Variants in FBXW7 observed in about 807,000 individuals in gnomAD.
The protein encoded by FBXW7 is F-box and WD repeat domain containing 7, also known as F-box/WD repeat-containing protein 7.
Under a neutral mutation model 86.3 loss-of-function variants are expected in FBXW7, and 11 were observed. That is an observed-to-expected ratio of 0.13 (90% CI 0.08 to 0.21). The LOEUF is 0.21. FBXW7 is among the 10% of genes least tolerant of loss of function. The probability of loss-of-function intolerance (pLI) is 1.00; values close to 1 mark genes in which losing one functional copy is unlikely to be tolerated. For synonymous variants in FBXW7, 313 were observed against 297.9 expected (o/e 1.05, Z -0.52); for missense variants, 488 against 847.4 (o/e 0.58, Z 5.27).
chr4:152,488,235 T>A (rs1443399476), intron 2 of FBXW7, among the ~76,000 whole-genome samples: 2 of 152,030 alleles, frequency 1.3e-5, no homozygotes, highest in Admixed American at 6.6e-5. Flanking sequence ...ATAAGACTGG[T>A]GCATAAAAAA....
In FBXW7 at chr4:152,364,639, G is replaced by A. The variant is rs527845631; in HGVS notation, c.502-14515C>T. On this transcript the variant is annotated intron_variant, in intron 4 of 13. Transcript: ENST00000281708. ...ACAGGATTTTCCATCTGAATACATA[G>A]AGCACATGCTTTTCAATATGTGGCT... 1.9e-4 allele frequency among the ~76,000 whole-genome samples: 29 copies of A among 152,168 alleles called. 1 individual carries two copies. Among genetic ancestry groups the A allele is most frequent in the Admixed American group, 1.6e-3 (24 of 15,270 alleles).
In FBXW7 at chr4:152,366,539, T is replaced by C. The variant is rs576587073; in HGVS notation, c.502-16415A>G. 5.9e-5 allele frequency among the ~76,000 whole-genome samples: 9 copies of C among 152,250 alleles called. No homozygotes were observed. The South Asian group carries it at 1.7e-3, about 28-fold the overall frequency. On this transcript the variant is annotated intron_variant, in intron 4 of 13. Coordinates refer to ENST00000281708, the MANE Select transcript of FBXW7 (RefSeq NM_001349798.2). The stretch of plus-strand genomic sequence containing the variant: ...GAGTTGCCAAAAGTGTTGTAACTTA[T>C]ACTAGCTTTAAAAACTAAATGTAAA...
chr4:152,353,682 T>C (rs576360260), intron 4 of FBXW7, among the ~76,000 whole-genome samples: 17 of 152,290 alleles, frequency 1.1e-4, no homozygotes, highest in African/African-American at 2.2e-4. Flanking sequence ...ACAATCTATA[T>C]TGCTTATCAT....
chr4:152,366,169 T>C (rs965223490), intron 4 of FBXW7, among the ~76,000 whole-genome samples: 4 of 152,204 alleles, frequency 2.6e-5, no homozygotes, highest in Non-Finnish European at 4.4e-5. Context: ...ATACTGTCTA[T>C]TGTTTATAAT....
intron 4 of FBXW7, among the ~76,000 whole-genome samples, chr4:152,406,486 A>G (rs953707066): frequency 4.6e-5 from 7 of 152,152 alleles, no homozygotes; most frequent in African/African-American, 1.4e-4. Context: ...CAACATTTAG[A>G]GCTATTATTG....
chr4:152,486,412 C>A (rs1213267211), intron 2 of FBXW7, among the ~76,000 whole-genome samples: 1 of 152,124 alleles, frequency 6.6e-6, no homozygotes, highest in African/African-American at 2.4e-5. Context: ...TACAGCTGCA[C>A]AAAAATATTT....
chr4:152,413,420 T>C (rs1738151522), intron 2 of FBXW7, among the ~76,000 whole-genome samples: 1 of 152,062 alleles, frequency 6.6e-6, no homozygotes, highest in South Asian at 2.1e-4. Context: ...TCAGGAAGAA[T>C]ACTAATAAAA....
At chr4:152,445,057 C>T (rs1304701258) in intron 2 of FBXW7, among the ~76,000 whole-genome samples, 1 of 152,160 alleles carries the variant, frequency 6.6e-6, no homozygotes, top group East Asian at 1.9e-4. Flanking sequence ...AACTTCTCGA[C>T]TCAAGCGACC....
intron 4 of FBXW7, among the ~76,000 whole-genome samples, chr4:152,355,019 T>C (rs980383670): frequency 2.0e-5 from 3 of 152,126 alleles, no homozygotes; most frequent in Non-Finnish European, 4.4e-5. Context: ...TAATATCTTA[T>C]GATGTTAATT....
At position 152,535,881 on chromosome 4, in the gene FBXW7, T is replaced by C; in HGVS notation, c.-967A>G. The C allele has an allele frequency of 5.4e-6, 2 of 373,090 alleles. No homozygotes were observed. Among genetic ancestry groups the C allele is most frequent in the Non-Finnish European group, 9.5e-6 (2 of 210,502 alleles). The allele number at this position is 373,090 out of a possible 1,614,324, so 23.1% of individuals were successfully genotyped here. A position where few individuals can be genotyped will look rare whatever the true frequency, so the allele number is the denominator to read the frequency against. The stretch of plus-strand genomic sequence containing the variant: ...CAGCCGCCGCTGCCGGCCGGGAAGG[T>C]GAGGGGGGGAAAGGAGTGCGGCCGC... On this transcript the variant is annotated 5_prime_UTR_variant, in exon 1 of 14. Coordinates refer to ENST00000281708, the MANE Select transcript of FBXW7 (RefSeq NM_001349798.2).
At chr4:152,378,335 G>A (rs1047167208) in intron 4 of FBXW7, among the ~76,000 whole-genome samples, 8 of 152,016 alleles carry the variant, frequency 5.3e-5, no homozygotes, top group Non-Finnish European at 1.0e-4. Context: ...TACTGGAAAC[G>A]TCAGTTGTAT....
rs1373091295 is a variant in FBXW7 at position 152,352,357 on chromosome 4, G to GCCAC, written c.502-2237_502-2234dup. On this transcript the variant is annotated intron_variant, in intron 4 of 13. Transcript: ENST00000281708. ...TATAAAACAGAATACCAGACATCCA[G>GCCAC]CCACCCACCAAAATTAGAGGATACT... 5 of 1,320,218 alleles carry GCCAC rather than the reference G, an allele frequency of 3.8e-6. No individual in the cohort carries two copies. In the African/African-American group the frequency reaches 7.4e-5, roughly 20 times the overall value. The allele number at this position is 1,320,218 out of a possible 1,614,324, so 81.8% of individuals were successfully genotyped here. A position where few individuals can be genotyped will look rare whatever the true frequency, so the allele number is the denominator to read the frequency against.
intron 2 of FBXW7, among the ~76,000 whole-genome samples, chr4:152,509,711 G>A (rs1227310016): frequency 6.6e-6 from 1 of 152,114 alleles, no homozygotes; most frequent in Non-Finnish European, 1.5e-5. Flanking sequence ...TGTTGGAGTT[G>A]TTTTTTGAAT....
chr4:152,416,024 C>T (rs770369773), intron 2 of FBXW7, among the ~76,000 whole-genome samples: 3 of 152,096 alleles, frequency 2.0e-5, no homozygotes, highest in Non-Finnish European at 2.9e-5. Context: ...TAGCAAATAC[C>T]TACCTATCCA....
chr4:152,369,991 T>C (rs1452995565), intron 4 of FBXW7, among the ~76,000 whole-genome samples: 1 of 151,962 alleles, frequency 6.6e-6, no homozygotes, highest in African/African-American at 2.4e-5. Flanking sequence ...AGTTATGTTA[T>C]CTTAGAGAAG....
rs191484551 is a variant in FBXW7, at chr4:152,391,304, C to T, written c.501+19999G>A. 8.3e-4 allele frequency among the ~76,000 whole-genome samples: 126 copies of T among 152,124 alleles called. 1 individual carries two copies. The highest frequency in any genetic ancestry group is 1.5e-3 in the Non-Finnish European group (99 of 67,972). On this transcript the variant is annotated intron_variant, in intron 4 of 13. Transcript: ENST00000281708. The stretch of plus-strand genomic sequence containing the variant: ...GACAGTTGATACCACTGGCCTTTTA[C>T]GCTGTCAATATTACATACTCAAAAA...
intron 9 of FBXW7, 89 bp downstream of exon 9, chr4:152,330,643 G>C (rs918563298): frequency 8.9e-7 from 1 of 1,127,946 alleles, no homozygotes; most frequent in Admixed American, 2.8e-5. Flanking sequence ...GAAGAGGAGT[G>C]TCATATTATA....
At chr4:152,526,090 GTCT>G (rs1224661228) in intron 2 of FBXW7, among the ~76,000 whole-genome samples, 2 of 152,252 alleles carry the variant, frequency 1.3e-5, no homozygotes, top group East Asian at 1.9e-4. Flanking sequence ...CCACATGTAA[GTCT>G]TCTTCTGAGA....
At chr4:152,375,766 A>G (rs1421316886) in intron 4 of FBXW7, among the ~76,000 whole-genome samples, 1 of 152,078 alleles carries the variant, frequency 6.6e-6, no homozygotes, top group Non-Finnish European at 1.5e-5. Flanking sequence ...TAGAAACCCC[A>G]TGCTGTTTTT....
Sources: gnomAD v4.1 joint callset for allele counts (sites outside exome capture counted in the v4.1 genomes callset) on GRCh38, gnomAD v4.1.1 for gene constraint, MANE v1.5 for transcripts, NCBI Gene and HGNC (gene_info 2026-07-23, HGNC 2026-07-21) for gene names.